Variants in TCF12 observed in about 807,000 individuals in gnomAD.
TCF12 encodes the protein DNA-binding protein HTF4.
In TCF12, 45 loss-of-function variants were observed where a neutral mutation model predicts 86.0. That is an observed-to-expected ratio of 0.52 (90% CI 0.41 to 0.67). The LOEUF is 0.67. Among genes scored for constraint, TCF12 ranks in the 30% least tolerant of loss-of-function variants. TCF12 has a pLI of 0.00. For synonymous variants in TCF12, 330 were observed against 299.6 expected, an observed-to-expected ratio of 1.10 and a Z score of -1.05; for missense variants, 881 against 859.9, an observed-to-expected ratio of 1.02 and a Z score of -0.31.
In TCF12 at chr15:57,178,643, C is replaced by T. The variant is rs367682813; in HGVS notation, c.390+12177C>T. ...TTCTTTGTATTCATTAAAGAAAAGG[C>T]GCAAAGGCATACTGGTAACACATAG... On this transcript the variant is annotated intron_variant, in intron 6 of 20. Transcript: ENST00000333725. 2.6e-5 allele frequency among the ~76,000 whole-genome samples: 4 copies of T among 152,180 alleles called. No individual in the cohort carries two copies. The East Asian group carries it at 5.8e-4, about 22-fold the overall frequency.
At chr15:57,068,248 T>C (rs1021612612) in intron 4 of TCF12, among the ~76,000 whole-genome samples, 1 of 152,196 alleles carries the variant, frequency 6.6e-6, no homozygotes, top group Non-Finnish European at 1.5e-5. Context: ...AGGCAATATA[T>C]GGAAATTGCA....
chr15:57,232,542 C>G, intron 10 of TCF12, 112 bp downstream of exon 10: 1 of 1,485,882 alleles, frequency 6.7e-7, no homozygotes. Context: ...GTTTGAAGTA[C>G]TTCAAGGCTT....
chr15:56,928,321 A>G (rs1484248008), intron 3 of TCF12, among the ~76,000 whole-genome samples: 1 of 152,156 alleles, frequency 6.6e-6, no homozygotes, highest in African/African-American at 2.4e-5. Flanking sequence ...CCTTCTAACT[A>G]GCATTCTCGG....
intron 8 of TCF12, among the ~76,000 whole-genome samples, chr15:57,219,800 A>G (rs11637440): frequency 7.0e-6 from 1 of 143,440 alleles, no homozygotes; most frequent in African/African-American, 2.6e-5. Context: ...ATCTCGGCTC[A>G]CTGCAACCTT....
chr15:57,252,642 T>G (rs2060169554), intron 15 of TCF12, 150 bp downstream of exon 15: 4 of 656,154 alleles, frequency 6.1e-6, no homozygotes, highest in Admixed American at 3.1e-5. Flanking sequence ...TAGGAATAAT[T>G]TTGTCTCTTA....
At chr15:57,188,517 A>G (rs2056806017) in intron 6 of TCF12, among the ~76,000 whole-genome samples, 1 of 152,244 alleles carries the variant, frequency 6.6e-6, no homozygotes, top group Non-Finnish European at 1.5e-5. Flanking sequence ...AGCCACAACA[A>G]TACTGAAAAA....
At chr15:57,142,457 A>T (rs567543652) in intron 5 of TCF12, among the ~76,000 whole-genome samples, 1 of 152,066 alleles carries the variant, frequency 6.6e-6, no homozygotes, top group African/African-American at 2.4e-5. Context: ...CTGGAAAGGA[A>T]GGATGTGCCA....
chr15:57,258,149 C>T (rs2615229), intron 16 of TCF12, among the ~76,000 whole-genome samples: 2,352 of 152,104 alleles, frequency 0.015, 73 homozygotes, highest in African/African-American at 0.054. Context: ...CATGTGGTGG[C>T]GCATGCCTGT....
At chr15:57,198,421 T>C (rs1345552400) in intron 8 of TCF12, among the ~76,000 whole-genome samples, 2 of 152,176 alleles carry the variant, frequency 1.3e-5, no homozygotes, top group Non-Finnish European at 1.5e-5. Flanking sequence ...GATCCCTCTT[T>C]GCTCAAAAAT....
intron 5 of TCF12, 31 bp from the exon 6 acceptor site, chr15:57,166,369 GTT>G (rs1207059119): frequency 6.3e-7 from 1 of 1,581,934 alleles, no homozygotes; most frequent in African/African-American, 1.4e-5. Flanking sequence ...TAAATGAAGG[GTT>G]TTATATAAAG....
At chr15:57,053,608 G>T (rs1437703201) in intron 3 of TCF12, among the ~76,000 whole-genome samples, 1 of 137,846 alleles carries the variant, frequency 7.3e-6, no homozygotes, top group Admixed American at 7.3e-5. Context: ...ATAACCTGTA[G>T]CCCATCACCT....
Position 57,232,767 on chromosome 15 carries a change from T to C in TCF12, c.881T>C (p.Met294Thr). 1 of 1,612,424 alleles carries C rather than the reference T, an allele frequency of 6.2e-7. No individual in the cohort carries two copies. Among genetic ancestry groups the C allele is most frequent in the Non-Finnish European group, 8.5e-7 (1 of 1,179,218 alleles). ...GACATAAACACGAGTCTTCCACCAA[T>C]GTCCAGCTTTCATCGCGGCAGTACC... Reference protein sequence around the residue: ...PTDINTSLPPMSSFHRGSTSS... With the variant: ...PTDINTSLPPTSSFHRGSTSS... The change falls in exon 11 of 21, where the codon ATG becomes ACG. Residue 294 changes from methionine (M) to threonine (T), a missense_variant. Physicochemically the swap from Met to Thr is moderately conservative, Grantham distance 81. Coordinates refer to ENST00000333725, the MANE Select transcript of TCF12 (RefSeq NM_207037.2).
At chr15:57,021,096 T>A (rs2065451447) in intron 3 of TCF12, among the ~76,000 whole-genome samples, 1 of 152,190 alleles carries the variant, frequency 6.6e-6, no homozygotes, top group South Asian at 2.1e-4. Context: ...GTTTCTTTGG[T>A]GTCCCATATA....
chr15:57,161,830 T>G (rs2054525451), intron 5 of TCF12, among the ~76,000 whole-genome samples: 1 of 152,240 alleles, frequency 6.6e-6, no homozygotes. Flanking sequence ...AAGCTATTAT[T>G]TATGCTTTCA....
At chr15:57,239,436 G>C (rs1346924515) in intron 12 of TCF12, among the ~76,000 whole-genome samples, 4 of 145,552 alleles carry the variant, frequency 2.7e-5, no homozygotes, top group Non-Finnish European at 6.0e-5. Flanking sequence ...TGAGGCAGTA[G>C]AATCACTTAA....
chr15:57,125,028 C>T (rs576118935), intron 5 of TCF12, among the ~76,000 whole-genome samples: 25 of 152,002 alleles, frequency 1.6e-4, no homozygotes, highest in African/African-American at 3.9e-4. Context: ...TTTCTTTTTC[C>T]GCGACCGCCG....
chr15:57,230,063 C>T (rs2059063170), intron 8 of TCF12, among the ~76,000 whole-genome samples: 1 of 151,770 alleles, frequency 6.6e-6, no homozygotes, highest in Non-Finnish European at 1.5e-5. Context: ...TCTTCCTTCC[C>T]AATTCGAAGT....
chr15:57,175,691 T>C (rs1234941461), intron 6 of TCF12, among the ~76,000 whole-genome samples: 2 of 152,218 alleles, frequency 1.3e-5, no homozygotes, highest in African/African-American at 2.4e-5. Context: ...TGTATTGTAT[T>C]CTGAGCAAAC....
chr15:57,216,399 T>G (rs78741123), intron 8 of TCF12, among the ~76,000 whole-genome samples: 59 of 152,078 alleles, frequency 3.9e-4, no homozygotes, highest in African/African-American at 1.4e-3. Flanking sequence ...ACATAAGTGA[T>G]TATGTAGCGT....
Sources: gnomAD v4.1 joint callset for allele counts (sites outside exome capture counted in the v4.1 genomes callset) on GRCh38, gnomAD v4.1.1 for gene constraint, MANE v1.5 for transcripts, NCBI Gene and HGNC (gene_info 2026-07-23, HGNC 2026-07-21) for gene names.